The following NDUFA11 variants were observed in gnomAD, a reference collection of about 807,000 sequenced individuals.
NDUFA11 encodes the protein NADH dehydrogenase [ubiquinone] 1 alpha subcomplex subunit 11.
Under a neutral mutation model 11.3 loss-of-function variants are expected in NDUFA11, and 14 were observed. The observed-to-expected ratio is 1.24, with a 90% CI of 0.82 to 1.94. The LOEUF (loss-of-function observed/expected upper bound fraction) is 1.94, where lower values mean the gene tolerates loss of function less well. NDUFA11 is among the 30% of genes most tolerant of loss of function. The probability of loss-of-function intolerance (pLI) is 0.00; values close to 1 mark genes in which losing one functional copy is unlikely to be tolerated. For synonymous variants in NDUFA11, 87 were observed against 85.6 expected (o/e 1.02, Z -0.09); for missense variants, 204 against 200.3 (o/e 1.02, Z -0.11).
chr19:5,892,691 C>G, downstream of NDUFA11: 1 of 505,684 alleles, frequency 2.0e-6, no homozygotes, highest in Non-Finnish European at 3.2e-6. Context: ...GTCCACACTG[C>G]CCAGCAGGCC....
At chr19:5,893,104 G>A, downstream of NDUFA11, 1 of 1,536,098 alleles carries the variant, frequency 6.5e-7, no homozygotes, top group Non-Finnish European at 8.7e-7. The surrounding 1 kb of genome is among the most constrained non-coding windows in gnomAD (Gnocchi z 4.1). Context: ...CCTTGTGCTG[G>A]AACACGCGTG....
At chr19:5,895,046 G>A (rs536352618) in intron 3 of NDUFA11, 192 bp from the exon 4 acceptor site, 35 of 680,188 alleles carry the variant, frequency 5.1e-5, no homozygotes, top group South Asian at 4.4e-4. Flanking sequence ...GAGGGAGGCC[G>A]GAGTCCAGGT....
intron 1 of NDUFA11, 48 bp downstream of exon 1, chr19:5,903,564 C>T (rs894643888): frequency 2.6e-6 from 4 of 1,519,762 alleles, no homozygotes; most frequent in African/African-American, 1.4e-5. Context: ...ACCCCACGAC[C>T]TCCCTGCGGC....
chr19:5,894,461 C>T (rs1045671024), downstream of NDUFA11, among the ~76,000 whole-genome samples: 1 of 152,180 alleles, frequency 6.6e-6, no homozygotes, highest in Non-Finnish European at 1.5e-5. Flanking sequence ...GAGGCTGGGG[C>T]GCATCCCAGC....
At chr19:5,893,283 TC>T (rs2057588972), downstream of NDUFA11, 11 of 1,208,912 alleles carry the variant, frequency 9.1e-6, no homozygotes, top group African/African-American at 1.5e-5. The surrounding 1 kb of genome is among the most constrained non-coding windows in gnomAD (Gnocchi z 4.1). Context: ...CACAGTGAGA[TC>T]CTGTCTCTAC....
At chr19:5,902,837 C>T (rs1002951115) in intron 1 of NDUFA11, among the ~76,000 whole-genome samples, 1 of 152,038 alleles carries the variant, frequency 6.6e-6, no homozygotes, top group Non-Finnish European at 1.5e-5. Context: ...GGTGAAACCC[C>T]GTCTCTACTA....
At chr19:5,894,647 C>A, downstream of NDUFA11, 1 of 1,549,488 alleles carries the variant, frequency 6.5e-7, no homozygotes, top group Non-Finnish European at 8.7e-7. Context: ...TGCTGTGTCG[C>A]CGTCATCAAG....
chr19:5,901,457 G>T, intron 1 of NDUFA11: 1 of 1,286,096 alleles, frequency 7.8e-7, no homozygotes, highest in Non-Finnish European at 1.0e-6. Context: ...GTCCCTACCT[G>T]TAAGAAATGG....
intron 3 of NDUFA11, 73 bp from the exon 4 acceptor site, chr19:5,894,927 G>A: frequency 2.7e-6 from 4 of 1,498,248 alleles, no homozygotes; most frequent in Non-Finnish European, 3.6e-6. Context: ...GCCCTGGCCG[G>A]TGCCCACCCT....
chr19:5,897,086 C>T, intron 1 of NDUFA11, 89 bp from the exon 2 acceptor site: 1 of 1,013,948 alleles, frequency 9.9e-7, no homozygotes, highest in Non-Finnish European at 1.6e-6. Context: ...CTCCCTCCCT[C>T]AGTCCTCACG....
Position 5,896,844 on chromosome 19 carries a change from G to A in NDUFA11, c.190+61C>T. 7.0e-7 allele frequency: 1 copy of A among 1,433,246 alleles called. No homozygotes were observed. The allele number at this position is 1,433,246 out of a possible 1,614,324, so 88.8% of individuals were successfully genotyped here. A position where few individuals can be genotyped will look rare whatever the true frequency, so the allele number is the denominator to read the frequency against. ...GAGAGAAGAGGCAGCCGTCAAATGT[G>A]CTCTGAGAGCTGGGGCTGTGCCAGG... On this transcript the variant is annotated intron_variant, in intron 2 of 3. Transcript: ENST00000308961. This position sits in a 1 kb window ranked among gnomAD's most constrained non-coding sequence, Gnocchi z 5.8.
intron 1 of NDUFA11, chr19:5,901,472 A>G: frequency 7.8e-7 from 1 of 1,285,086 alleles, no homozygotes; most frequent in African/African-American, 1.5e-5. Flanking sequence ...AAATGGAGAC[A>G]CAATAACGTC....
At chr19:5,895,113 C>T (rs2057599592) in intron 3 of NDUFA11, 3 of 513,702 alleles carry the variant, frequency 5.8e-6, no homozygotes, top group African/African-American at 1.9e-5. Context: ...ACTGACTTCC[C>T]CCTGCGAGGA....
intron 1 of NDUFA11, among the ~76,000 whole-genome samples, chr19:5,897,782 C>A (rs1254444957): frequency 6.6e-6 from 1 of 152,234 alleles, no homozygotes; most frequent in Non-Finnish European, 1.5e-5. Context: ...AGGTTTGATC[C>A]CAGCCCACCG....
chr19:5,894,332 G>A (rs1289268007), downstream of NDUFA11, among the ~76,000 whole-genome samples: 1 of 152,192 alleles, frequency 6.6e-6, no homozygotes, highest in Non-Finnish European at 1.5e-5. Flanking sequence ...AGATCTGCAG[G>A]GGGGTTGTGA....
chr19:5,897,053 G>A (rs1162471161), intron 1 of NDUFA11, 56 bp from the exon 2 acceptor site: 6 of 1,435,952 alleles, frequency 4.2e-6, no homozygotes, highest in African/African-American at 2.8e-5. Flanking sequence ...GCCCTTGCTT[G>A]GCCGGGCACC....
At position 5,894,817 on chromosome 19, in the gene NDUFA11, G is replaced by A. The variant is rs1330263242; in HGVS notation, c.351C>T (p.Tyr117=). 6.2e-7 allele frequency: 1 copy of A among 1,613,078 alleles called. No individual in the cohort carries two copies. Among genetic ancestry groups the A allele is most frequent in the African/African-American group, 1.3e-5 (1 of 74,914 alleles). ...NYGIGAAACV[Y]FGIAASLVKM... is the part of the protein sequence containing the mutation. ...TGACCAGGGAGGCCGCTATGCCAAA[G>A]TACACGCAGGCGGCGGCGCCAATCC... is the stretch of plus-strand genomic sequence containing the variant. Residue 117 remains tyrosine, a synonymous_variant, in exon 4 of 4, where the codon TAC becomes TAT. Transcript: ENST00000308961.
At position 5,895,210 on chromosome 19, in the gene NDUFA11, CATG is replaced by C. The variant is rs1206811607; in HGVS notation, c.314-359_314-357del. The stretch of plus-strand genomic sequence containing the variant: ...GGTGTGTCTCAGTCTCTCCTTTGCC[CATG>C]GATGCCAGGGCCAGGCCACGCATCT... On this transcript the variant is annotated intron_variant, in intron 3 of 3. Transcript: ENST00000308961. The C allele has an allele frequency of 1.8e-5, 5 of 285,514 alleles. No homozygotes were observed. The South Asian group carries it at 1.9e-4, about 11-fold the overall frequency. The allele number at this position is 285,514 out of a possible 1,614,324, so 17.7% of individuals were successfully genotyped here.
At chr19:5,900,927 A>AT in intron 1 of NDUFA11, among the ~76,000 whole-genome samples, 1 of 151,180 alleles carries the variant, frequency 6.6e-6, no homozygotes, top group East Asian at 1.9e-4. Context: ...AAAAAAAAAA[A>AT]GAAAAAAGAA....
Sources: gnomAD v4.1 joint callset for allele counts (sites outside exome capture counted in the v4.1 genomes callset) on GRCh38, gnomAD v4.1.1 for gene constraint, Gnocchi (gnomAD v3.1) non-coding constraint, MANE v1.5 for transcripts, NCBI Gene and HGNC (gene_info 2026-07-23, HGNC 2026-07-21) for gene names.